ASAH1: variants seen among roughly 807,000 people sequenced by gnomAD.
The protein encoded by ASAH1 is acid ceramidase.
In ASAH1, 70 loss-of-function variants were observed where a neutral mutation model predicts 59.5. The ratio of observed to expected loss-of-function variants is 1.18; its 90% CI spans 0.97 to 1.43. The LOEUF (loss-of-function observed/expected upper bound fraction) is 1.43, where lower values mean the gene tolerates loss of function less well. Ranked by LOEUF, ASAH1 falls within the 40% of genes most tolerant of loss-of-function variation. The probability of loss-of-function intolerance (pLI) is 0.00; values close to 1 mark genes in which losing one functional copy is unlikely to be tolerated. For synonymous variants in ASAH1, 213 were observed against 166.5 expected, an observed-to-expected ratio of 1.28 and a Z score of -2.15; for missense variants, 660 against 482.5, an observed-to-expected ratio of 1.37 and a Z score of -3.45.
intron 8 of ASAH1, 108 bp downstream of exon 8, chr8:18,062,171 G>A: frequency 6.9e-7 from 1 of 1,449,494 alleles, no homozygotes; most frequent in East Asian, 2.3e-5. Context: ...GGGGTGAAAT[G>A]GGGCTTCATA....
In ASAH1 at chr8:18,057,610, G is replaced by T. The variant is rs779529827; in HGVS notation, c.1112C>A (p.Thr371Lys). The T allele has an allele frequency of 6.2e-7, 1 of 1,602,116 alleles. No homozygotes were observed. The highest frequency in any genetic ancestry group is 8.5e-7 in the Non-Finnish European group (1 of 1,172,226). Residue 371 changes from threonine (T) to lysine (K), a missense_variant, in exon 14 of 14, where the codon ACA (threonine) becomes AAA (lysine). Physicochemically the swap from Thr to Lys is moderately conservative, Grantham distance 78. Transcript: ENST00000637790. Reference sequence around the variant, plus strand: ...ACCTTTGGTAACATCTATCAAGGTTGTGTATACGGTCAGCTGAAAGAAAAG... The same window carrying T: ...ACCTTTGGTAACATCTATCAAGGTTTTGTATACGGTCAGCTGAAAGAAAAG... The part of the protein sequence containing the change: ...KPVLNKLTVY[T>K]TLIDVTKGQF...
intron 10 of ASAH1, 61 bp downstream of exon 10, chr8:18,061,316 T>A: frequency 2.2e-6 from 3 of 1,384,540 alleles, no homozygotes; most frequent in Non-Finnish European, 3.0e-6. Context: ...CAAATATTTT[T>A]ATTTTTTAAT....
intron 5 of ASAH1, 99 bp from the exon 6 acceptor site, chr8:18,064,630 T>C (rs1799854778): frequency 3.9e-6 from 3 of 763,872 alleles, no homozygotes; most frequent in Non-Finnish European, 6.7e-6. Flanking sequence ...TGTGTGAGTG[T>C]GTGCTTTGGC....
chr8:18,075,457 A>G, intron 2 of ASAH1, 84 bp downstream of exon 2: 3 of 1,344,856 alleles, frequency 2.2e-6, no homozygotes, highest in Non-Finnish European at 3.2e-6. Flanking sequence ...TTTATTCACT[A>G]TCGTTCGTTT....
chr8:18,075,012 T>TTTTTTTTTTTTTTTTTAG (rs1800334503), intron 2 of ASAH1, among the ~76,000 whole-genome samples: 1 of 149,602 alleles, frequency 6.7e-6, no homozygotes, highest in African/African-American at 2.5e-5. Flanking sequence ...CTTTTTTTTT[T>TTTTTTTTTTTTTTTTTAG]TGAGACAGAG....
rs1000723723 is a variant in ASAH1 at position 18,062,485 on chromosome 8, G to T, written c.504-62C>A. 2.5e-6 allele frequency: 4 copies of T among 1,578,350 alleles called. No individual in the cohort carries two copies. In the African/African-American group the frequency reaches 5.4e-5, roughly 21 times the overall value. On this transcript the variant is annotated intron_variant, in intron 7 of 13. Coordinates refer to ENST00000637790, the MANE Select transcript of ASAH1 (RefSeq NM_177924.5). The stretch of plus-strand genomic sequence containing the variant: ...CAGTGATAGTAATGATCAACATGAT[G>T]ATGAGGGCCAGGCATTACACTAGGA...
intron 1 of ASAH1, among the ~76,000 whole-genome samples, chr8:18,080,444 C>A (rs1026825391): frequency 2.6e-5 from 4 of 152,164 alleles, no homozygotes; most frequent in Non-Finnish European, 1.5e-5. Flanking sequence ...GTCGAGGTGA[C>A]CAATGACCTC....
At chr8:18,067,360 A>C in intron 4 of ASAH1, 62 bp from the exon 5 acceptor site, 1 of 961,278 alleles carries the variant, frequency 1.0e-6, no homozygotes. Context: ...TATATAATAT[A>C]ATATAAACAA....
chr8:18,066,823 T>C (rs1443963334), intron 5 of ASAH1: 1 of 237,650 alleles, frequency 4.2e-6, no homozygotes, highest in African/African-American at 2.2e-5. Context: ...ACCACCCAAA[T>C]ACCCTGTTGA....
chr8:18,084,773 T>A (rs562582047), upstream of ASAH1: 64 of 1,613,648 alleles, frequency 4.0e-5, no homozygotes, highest in South Asian at 6.6e-4. Context: ...CCCGCGAGCT[T>A]TCTCTCCCAG....
chr8:18,069,652 C>T lies in ASAH1; in HGVS notation c.303+140G>A, dbSNP rs1345373670. On this transcript the variant is annotated intron_variant, in intron 4 of 13. Coordinates refer to ENST00000637790, the MANE Select transcript of ASAH1 (RefSeq NM_177924.5). The stretch of plus-strand genomic sequence containing the variant: ...TTACCAATTCCCCAAATTTAAGTCC[C>T]TCTGAAGTTCTGACAGTGAGCTAGA... The T allele has an allele frequency of 1.4e-5, 9 of 632,622 alleles. No individual in the cohort carries two copies. The East Asian group carries it at 2.5e-4, about 18-fold the overall frequency. 39.2% of individuals were successfully genotyped at this position (632,622 alleles called of 1,614,324 possible).
rs529030156 is a variant in ASAH1 at position 18,075,523 on chromosome 8, C to T, written c.125+18G>A. The T allele has an allele frequency of 6.2e-7, 1 of 1,613,662 alleles. No individual in the cohort carries two copies. Among genetic ancestry groups the T allele is most frequent in the South Asian group, 1.1e-5 (1 of 91,064 alleles). Reference sequence around the variant, plus strand: ...CACAAAGGTCAAAGGGAGTTTTGATCATCTGATGTTTACTCACGTTGGTCC... The same window carrying T: ...CACAAAGGTCAAAGGGAGTTTTGATTATCTGATGTTTACTCACGTTGGTCC... On this transcript the variant is annotated intron_variant, in intron 2 of 13. Transcript: ENST00000637790.
intron 5 of ASAH1, chr8:18,065,925 T>C (rs940515604): frequency 3.3e-5 from 5 of 151,740 alleles, no homozygotes; most frequent in African/African-American, 9.7e-5. Context: ...TATATATGTA[T>C]TGTATATTTA....
intron 1 of ASAH1, among the ~76,000 whole-genome samples, chr8:18,078,076 A>C (rs1293059908): frequency 6.6e-6 from 1 of 152,190 alleles, no homozygotes. Flanking sequence ...CCAATGCCTC[A>C]ATTTAATTCC....
Position 18,062,392 on chromosome 8 carries a change from T to C in ASAH1, c.535A>G (p.Thr179Ala). The C allele has an allele frequency of 6.2e-7, 1 of 1,614,204 alleles. No individual in the cohort carries two copies. Among genetic ancestry groups the C allele is most frequent in the Non-Finnish European group, 8.5e-7 (1 of 1,180,022 alleles). The change falls in exon 8 of 14, where the codon ACT (threonine) becomes GCT (alanine). Residue 179 changes from threonine to alanine, a missense_variant. Coordinates refer to ENST00000637790, the MANE Select transcript of ASAH1 (RefSeq NM_177924.5). ...ACTGTTAAAGGTTTTAGTTGCTCAG[T>C]TATGACCCAGGTATCATTATTTATG... The part of the protein sequence containing the change: ...WNINNDTWVI[T>A]EQLKPLTVNL...
In ASAH1 at chr8:18,069,869, T is replaced by C. The variant is rs561768947; in HGVS notation, c.226A>G (p.Ile76Val). ...MLDKAPVLKV[I>V]VNSLKNMINT... ...ATCATATTCTTCAGAGAATTCACTA[T>C]AACCTTTAGCTGAAAAATAAATAAA... is the stretch of plus-strand genomic sequence containing the variant. The change falls in exon 4 of 14, where the codon ATA (isoleucine) becomes GTA (valine). Residue 76 changes from isoleucine to valine, a missense_variant. Physicochemically the swap from Ile to Val is conservative, Grantham distance 29. Transcript: ENST00000637790. The C allele has an allele frequency of 6.3e-6, 10 of 1,580,718 alleles. No individual in the cohort carries two copies. The African/African-American group carries it at 8.0e-5, about 13-fold the overall frequency.
chr8:18,062,444 T>C (rs757579385), intron 7 of ASAH1, 21 bp from the exon 8 acceptor site: 2 of 1,613,240 alleles, frequency 1.2e-6, no homozygotes, highest in African/African-American at 2.7e-5. Flanking sequence ...CATGTTTCAG[T>C]GACATTTCAG....
In ASAH1 at chr8:18,058,829, A is replaced by G; in HGVS notation, c.1098+6T>C. ...AAGGCAAATATACATATAACATTTA[A>G]AATACCTTGTTGAGGACAGGTTTTG... On this transcript the variant is annotated splice_donor_region_variant and intron_variant, in intron 13 of 13. Coordinates refer to ENST00000637790, the MANE Select transcript of ASAH1 (RefSeq NM_177924.5). The G allele has an allele frequency of 6.2e-7, 1 of 1,606,964 alleles. No homozygotes were observed. The highest frequency in any genetic ancestry group is 8.5e-7 in the Non-Finnish European group (1 of 1,173,456).
At chr8:18,071,950 CTT>C (rs2117064878) in intron 2 of ASAH1, among the ~76,000 whole-genome samples, 1 of 152,294 alleles carries the variant, frequency 6.6e-6, no homozygotes, top group African/African-American at 2.4e-5. Flanking sequence ...CTATATACCT[CTT>C]CTCTTCTCAT....
Sources: gnomAD v4.1 joint callset for allele counts (sites outside exome capture counted in the v4.1 genomes callset) on GRCh38, gnomAD v4.1.1 for gene constraint, MANE v1.5 for transcripts, NCBI Gene and HGNC (gene_info 2026-07-23, HGNC 2026-07-21) for gene names.